The following WNT3 variants were observed in gnomAD, a reference collection of about 807,000 sequenced individuals.
WNT3 encodes the protein Wnt family member 3, also known as proto-oncogene Wnt-3.
A neutral mutation model predicts 34.2 loss-of-function variants in WNT3; 7 were observed. The ratio of observed to expected loss-of-function variants is 0.20; its 90% CI spans 0.12 to 0.38. The LOEUF (loss-of-function observed/expected upper bound fraction) is 0.38, where lower values mean the gene tolerates loss of function less well. Among genes scored for constraint, WNT3 ranks in the 10% least tolerant of loss-of-function variants. WNT3 has a pLI of 1.00. For missense variants in WNT3, 267 were observed against 499.8 expected (o/e 0.53, Z 4.44); for synonymous variants, 212 against 211.5 (o/e 1.00, Z -0.02).
intron 1 of WNT3, among the ~76,000 whole-genome samples, chr17:46,784,859 T>G (rs1026727025): frequency 2.7e-5 from 4 of 148,556 alleles, no homozygotes; most frequent in Non-Finnish European, 5.9e-5. Flanking sequence ...CACTGCAAGC[T>G]CCACCTCCCG....
intron 1 of WNT3, among the ~76,000 whole-genome samples, chr17:46,797,176 C>T (rs142029399): frequency 2.0e-5 from 3 of 152,212 alleles, no homozygotes; most frequent in South Asian, 2.1e-4. Context: ...TTGCCTGTGG[C>T]GATTCTTAAG....
At chr17:46,800,811 A>C (rs1298646194) in intron 1 of WNT3, among the ~76,000 whole-genome samples, 1 of 152,126 alleles carries the variant, frequency 6.6e-6, no homozygotes, top group Non-Finnish European at 1.5e-5. Flanking sequence ...TAGTCCATGA[A>C]ATAGATGTGC....
chr17:46,768,930 G>C lies in WNT3; in HGVS notation c.589-131C>G. 1.5e-6 allele frequency: 2 copies of C among 1,377,330 alleles called. No individual in the cohort carries two copies. The highest frequency in any genetic ancestry group is 1.4e-5 in the African/African-American group (1 of 69,338). 85.3% of individuals were successfully genotyped at this position (1,377,330 alleles called of 1,614,324 possible). Reference sequence around the variant, plus strand: ...ACTCCTCTGTGACAGGAAGAGAACTGATGGGGACTGAGGCAAGACCTAAAG... The same window carrying C: ...ACTCCTCTGTGACAGGAAGAGAACTCATGGGGACTGAGGCAAGACCTAAAG... On this transcript the variant is annotated intron_variant, in intron 3 of 4. Transcript: ENST00000225512. The surrounding 1 kb of genome is among the most constrained non-coding windows in gnomAD (Gnocchi z 5.0).
intron 1 of WNT3, among the ~76,000 whole-genome samples, chr17:46,785,024 G>A (rs1004456364): frequency 5.9e-5 from 9 of 152,134 alleles, no homozygotes; most frequent in Admixed American, 4.6e-4. Flanking sequence ...TGATCTGCCC[G>A]CCTTGGCCTC....
chr17:46,808,452 A>G (rs989382832), intron 1 of WNT3, among the ~76,000 whole-genome samples: 2 of 152,232 alleles, frequency 1.3e-5, no homozygotes, highest in African/African-American at 4.8e-5. Flanking sequence ...GCAAATTTTT[A>G]CCCCAATAAC....
chr17:46,778,631 A>G (rs1568079409), intron 1 of WNT3, among the ~76,000 whole-genome samples: 1 of 152,128 alleles, frequency 6.6e-6, no homozygotes, highest in Non-Finnish European at 1.5e-5. Context: ...TACACGTTCC[A>G]CTTCGGGAGG....
At chr17:46,806,207 CTTTTTTTTTTTT>C (rs10549860) in intron 1 of WNT3, among the ~76,000 whole-genome samples, 3 of 75,658 alleles carry the variant, frequency 4.0e-5, no homozygotes, top group Admixed American at 3.1e-4. Context: ...TTTTCTTTTC[CTTTTTTTTTTTT>C]TTTTTTTTTG....
intron 3 of WNT3, among the ~76,000 whole-genome samples, chr17:46,769,500 A>G (rs558823970): frequency 3.9e-5 from 6 of 152,120 alleles, no homozygotes; most frequent in Non-Finnish European, 8.8e-5. Context: ...CCGCGTGCCA[A>G]GGTGCACAGG....
intron 1 of WNT3, among the ~76,000 whole-genome samples, chr17:46,811,721 G>A (rs1018649588): frequency 2.6e-5 from 4 of 152,172 alleles, no homozygotes; most frequent in African/African-American, 9.7e-5. Context: ...TTGGGAGGCC[G>A]AGGCGGGTGG....
At chr17:46,779,096 CACA>C (rs2059437426) in intron 1 of WNT3, among the ~76,000 whole-genome samples, 1 of 135,398 alleles carries the variant, frequency 7.4e-6, no homozygotes, top group East Asian at 2.5e-4. Context: ...CACACACACA[CACA>C]CACACCCCAG....
chr17:46,766,628 C>T (rs1337561745), intron 4 of WNT3, among the ~76,000 whole-genome samples: 2 of 152,160 alleles, frequency 1.3e-5, no homozygotes, highest in African/African-American at 4.8e-5. Context: ...TTGAGCTACA[C>T]CGAGGGGCTT....
chr17:46,782,918 G>A (rs371033799), intron 1 of WNT3, among the ~76,000 whole-genome samples: 1 of 152,212 alleles, frequency 6.6e-6, no homozygotes, highest in African/African-American at 2.4e-5. Context: ...CAGGGCCAAG[G>A]GTAGGGGGTT....
At chr17:46,783,450 A>G (rs527686560) in intron 1 of WNT3, among the ~76,000 whole-genome samples, 1 of 152,314 alleles carries the variant, frequency 6.6e-6, no homozygotes, top group East Asian at 1.9e-4. Flanking sequence ...AGGTTCTGGG[A>G]ACGTGGAGAT....
chr17:46,763,525 T>G lies in WNT3; in HGVS notation c.*1105A>C, dbSNP rs1274587649. On this transcript the variant is annotated 3_prime_UTR_variant, in exon 5 of 5. Coordinates refer to ENST00000225512, the MANE Select transcript of WNT3 (RefSeq NM_030753.5). ...TGGCCCCAGAGAGGAAAGGACACAG[T>G]AAGATGGGTCCGTATTGGAGAGGAA... The G allele has an allele frequency of 6.6e-6, 1 of 152,134 alleles. No individual in the cohort carries two copies. The highest frequency in any genetic ancestry group is 2.4e-5 in the African/African-American group (1 of 41,430). 9.4% of individuals were successfully genotyped at this position (152,134 alleles called of 1,614,324 possible). A position where few individuals can be genotyped will look rare whatever the true frequency, so the allele number is the denominator to read the frequency against.
chr17:46,785,364 T>C (rs748896342), intron 1 of WNT3, among the ~76,000 whole-genome samples: 1 of 151,886 alleles, frequency 6.6e-6, no homozygotes, highest in Non-Finnish European at 1.5e-5. Flanking sequence ...AACAGAAAGG[T>C]GAGGTCTGGG....
chr17:46,769,406 G>C (rs556740833), intron 3 of WNT3, among the ~76,000 whole-genome samples: 1 of 152,038 alleles, frequency 6.6e-6, no homozygotes, highest in Admixed American at 6.5e-5. Flanking sequence ...GGAACTTAAC[G>C]TGACTCACCC....
At chr17:46,788,707 C>T (rs984935784) in intron 1 of WNT3, among the ~76,000 whole-genome samples, 1 of 152,208 alleles carries the variant, frequency 6.6e-6, no homozygotes, top group African/African-American at 2.4e-5. Flanking sequence ...CATGTAGAAT[C>T]TAGCACCTGC....
chr17:46,805,026 T>C (rs1370372522), intron 1 of WNT3, among the ~76,000 whole-genome samples: 1 of 151,380 alleles, frequency 6.6e-6, no homozygotes, highest in African/African-American at 2.4e-5. Flanking sequence ...TTGCTCACTC[T>C]TGGGGTCCTT....
chr17:46,806,029 C>G (rs1039441424), intron 1 of WNT3, among the ~76,000 whole-genome samples: 1 of 152,168 alleles, frequency 6.6e-6, no homozygotes, highest in African/African-American at 2.4e-5. Context: ...CTGGGGTTGT[C>G]GGGAGGATGA....
Sources: gnomAD v4.1 joint callset for allele counts (sites outside exome capture counted in the v4.1 genomes callset) on GRCh38, gnomAD v4.1.1 for gene constraint, Gnocchi (gnomAD v3.1) non-coding constraint, MANE v1.5 for transcripts, NCBI Gene and HGNC (gene_info 2026-07-23, HGNC 2026-07-21) for gene names.